Variants in DIAPH2 observed in about 807,000 individuals in gnomAD.
DIAPH2 encodes diaphanous related formin 2, also known as protein diaphanous homolog 2.
In DIAPH2, 35 loss-of-function variants were observed where a neutral mutation model predicts 92.7. The observed-to-expected ratio is 0.38, with a 90% CI of 0.29 to 0.50. The LOEUF (loss-of-function observed/expected upper bound fraction) is 0.50. DIAPH2 is among the 20% of genes least tolerant of loss of function. The pLI is 0.94. For missense variants in DIAPH2, 701 were observed against 819.5 expected (o/e 0.86, Z 1.77); for synonymous variants, 301 against 280.4 (o/e 1.07, Z -0.73).
chrX:97,372,417 G>T (rs2069456582), intron 24 of DIAPH2, among the ~76,000 whole-genome samples: 1 of 112,340 alleles, frequency 8.9e-6, no homozygotes, highest in Non-Finnish European at 1.9e-5. Flanking sequence ...TAGCGCATGT[G>T]AAAGCTACAT....
intron 17 of DIAPH2, among the ~76,000 whole-genome samples, chrX:97,028,108 A>G (rs1279939016): frequency 9.0e-6 from 1 of 111,723 alleles, no homozygotes; most frequent in African/African-American, 3.3e-5. Flanking sequence ...ATGCCAAAAT[A>G]TTTCATAGAA....
chrX:96,896,219 A>G (rs958095491), intron 5 of DIAPH2, among the ~76,000 whole-genome samples: 6 of 111,758 alleles, frequency 5.4e-5, no homozygotes, highest in Admixed American at 1.9e-4. Flanking sequence ...AATAATTAAA[A>G]AGATGAAAAC....
intron 3 of DIAPH2, among the ~76,000 whole-genome samples, chrX:96,741,439 C>G (rs750920913): frequency 1.6e-4 from 17 of 106,537 alleles, no homozygotes; most frequent in Non-Finnish European, 2.5e-4. Context: ...CTTCATGCTG[C>G]CAAATCCCAT....
At chrX:96,851,246 C>T (rs896826920) in intron 4 of DIAPH2, among the ~76,000 whole-genome samples, 2 of 111,531 alleles carry the variant, frequency 1.8e-5, no homozygotes, top group African/African-American at 6.5e-5. Flanking sequence ...GGACTACAGG[C>T]GCATGCCACC....
chrX:97,012,654 G>A (rs764416981), intron 17 of DIAPH2, among the ~76,000 whole-genome samples: 1 of 111,753 alleles, frequency 8.9e-6, no homozygotes, highest in Non-Finnish European at 1.9e-5. Flanking sequence ...CTTTTCCAAC[G>A]TTATCTTTGT....
chrX:97,038,351 A>T (rs1288867199), intron 17 of DIAPH2, among the ~76,000 whole-genome samples: 1 of 110,985 alleles, frequency 9.0e-6, no homozygotes, highest in Non-Finnish European at 1.9e-5. Flanking sequence ...TTTCGATATG[A>T]CTTATTTTCC....
At chrX:96,755,683 T>C (rs2064223286) in intron 3 of DIAPH2, among the ~76,000 whole-genome samples, 1 of 105,442 alleles carries the variant, frequency 9.5e-6, no homozygotes. Context: ...ATAACATTGA[T>C]ACTGTTCTTC....
At chrX:97,205,212 C>T in intron 22 of DIAPH2, among the ~76,000 whole-genome samples, 1 of 111,846 alleles carries the variant, frequency 8.9e-6, no homozygotes, top group Non-Finnish European at 1.9e-5. Context: ...ATCCCAAAAC[C>T]ATAAAAACTG....
chrX:97,099,353 G>A (rs984644448), intron 19 of DIAPH2, among the ~76,000 whole-genome samples: 6 of 109,504 alleles, frequency 5.5e-5, no homozygotes, highest in East Asian at 2.9e-4. Context: ...GCGACAGAGC[G>A]AGACTCGTCT....
intron 19 of DIAPH2, among the ~76,000 whole-genome samples, chrX:97,088,936 T>G (rs1248060672): frequency 1.8e-5 from 2 of 111,273 alleles, no homozygotes; most frequent in African/African-American, 6.5e-5. Context: ...CCCAAGAGAA[T>G]ACTGATGGTC....
At chrX:96,762,838 T>C (rs1434691020) in intron 4 of DIAPH2, among the ~76,000 whole-genome samples, 2 of 111,297 alleles carry the variant, frequency 1.8e-5, no homozygotes, top group Admixed American at 1.9e-4. Flanking sequence ...TATAGTACAT[T>C]AAAAAAATCC....
At chrX:97,217,921 G>A (rs772748732) in intron 22 of DIAPH2, among the ~76,000 whole-genome samples, 25 of 110,713 alleles carry the variant, frequency 2.3e-4, no homozygotes, top group African/African-American at 7.5e-4. Flanking sequence ...ATTCCAGCCT[G>A]GGCAACAGAG....
At chrX:97,153,322 C>T (rs1162676506) in intron 22 of DIAPH2, among the ~76,000 whole-genome samples, 8 of 111,684 alleles carry the variant, frequency 7.2e-5, no homozygotes, top group Non-Finnish European at 1.5e-4. Context: ...GTGGCTCACA[C>T]CTGTAATCCC....
chrX:97,269,347 G>A (rs2068366253), intron 23 of DIAPH2, among the ~76,000 whole-genome samples: 1 of 112,115 alleles, frequency 8.9e-6, no homozygotes, highest in Admixed American at 9.5e-5. Context: ...ACTCTGGCCA[G>A]GAAAATGGGA....
intron 4 of DIAPH2, among the ~76,000 whole-genome samples, chrX:96,781,463 T>TC (rs1307085107): frequency 9.0e-6 from 1 of 111,657 alleles, no homozygotes; most frequent in Non-Finnish European, 1.9e-5. Context: ...GGGTTATCCT[T>TC]ATTACCTCCA....
chrX:97,008,613 G>C (rs1295603746), intron 17 of DIAPH2, among the ~76,000 whole-genome samples: 1 of 111,561 alleles, frequency 9.0e-6, no homozygotes, highest in East Asian at 2.8e-4. Context: ...CTAAGTTTTT[G>C]GTCACTGCAG....
intron 26 of DIAPH2, among the ~76,000 whole-genome samples, chrX:97,502,976 AC>A (rs2070809173): frequency 8.9e-6 from 1 of 112,074 alleles, no homozygotes; most frequent in Admixed American, 9.5e-5. Flanking sequence ...CATTATGTGT[AC>A]CATTTTGCAG....
chrX:97,578,468 A>G (rs1453572330), intron 26 of DIAPH2, among the ~76,000 whole-genome samples: 2 of 102,867 alleles, frequency 1.9e-5, no homozygotes, highest in East Asian at 3.1e-4. Context: ...ATGGTTTCCA[A>G]TTTCATCCAT....
At chrX:96,690,862 C>T (rs1257639538) in intron 1 of DIAPH2, among the ~76,000 whole-genome samples, 1 of 112,135 alleles carries the variant, frequency 8.9e-6, no homozygotes, top group African/African-American at 3.2e-5. Flanking sequence ...AACTGAGTCA[C>T]TGAAATGTTA....
Sources: allele counts gnomAD v4.1 joint callset (sites outside exome capture counted in the v4.1 genomes callset), GRCh38; gene constraint gnomAD v4.1.1; transcripts MANE v1.5; gene names NCBI Gene and HGNC (gene_info 2026-07-23, HGNC 2026-07-21).